Variants in UST observed in about 807,000 individuals in gnomAD.
UST encodes uronyl 2-sulfotransferase.
In UST, 21 loss-of-function variants were observed where a neutral mutation model predicts 45.6. The observed-to-expected ratio is 0.46, with a 90% confidence interval of 0.33 to 0.66. The LOEUF (loss-of-function observed/expected upper bound fraction) is 0.66. Ranked by LOEUF, UST falls within the 30% of genes least tolerant of loss-of-function variation. The pLI is 0.02. For synonymous variants in UST, 215 were observed against 200.6 expected, an observed-to-expected ratio of 1.07 and a Z score of -0.61; for missense variants, 463 against 512.4, an observed-to-expected ratio of 0.90 and a Z score of 0.93.
At chr6:148,788,244 T>C (rs746640435) in intron 1 of UST, among the ~76,000 whole-genome samples, 7 of 152,180 alleles carry the variant, frequency 4.6e-5, no homozygotes, top group Non-Finnish European at 1.0e-4. Flanking sequence ...ATTGTCTCCC[T>C]CTGGGTCCCT....
intron 7 of UST, among the ~76,000 whole-genome samples, chr6:149,029,543 A>T (rs1488957096): frequency 6.7e-5 from 10 of 148,996 alleles, no homozygotes. Context: ...AGTTTTAAAA[A>T]CTAACATTTT....
chr6:148,997,602 A>G (rs1341151476), intron 5 of UST, among the ~76,000 whole-genome samples: 2 of 152,226 alleles, frequency 1.3e-5, no homozygotes, highest in Non-Finnish European at 2.9e-5. Flanking sequence ...GTGAACCAAC[A>G]TAAACCCCAG....
intron 5 of UST, among the ~76,000 whole-genome samples, chr6:149,014,161 A>G (rs1042357447): frequency 2.0e-5 from 3 of 152,180 alleles, no homozygotes; most frequent in Admixed American, 6.5e-5. Flanking sequence ...AGGGAGTAGG[A>G]GGTGTCCAGG....
At chr6:148,778,618 A>G (rs1332829804) in intron 1 of UST, among the ~76,000 whole-genome samples, 2 of 152,208 alleles carry the variant, frequency 1.3e-5, no homozygotes, top group Non-Finnish European at 2.9e-5. Context: ...TGTGGGGTGC[A>G]GTCCTGTGAC....
Position 148,775,930 on chromosome 6 carries a change from C to G in UST, c.247+28253C>G, listed in dbSNP as rs150875536. Among the ~76,000 whole-genome samples the G allele has an allele frequency of 3.3e-3, 509 of 152,128 alleles. 2 individuals are homozygous for G. The highest frequency in any genetic ancestry group is 0.012 in the African/African-American group (482 of 41,474). ...TACGGGTGTGAGCCACTGCGCCCGGCCTGGTAAAATATGAATTTTATACCT... is the reference window on the plus strand; with the variant it reads ...TACGGGTGTGAGCCACTGCGCCCGGGCTGGTAAAATATGAATTTTATACCT... On this transcript the variant is annotated intron_variant, in intron 1 of 7. Transcript: ENST00000367463.
At chr6:148,805,074 G>A (rs139305781) in intron 1 of UST, among the ~76,000 whole-genome samples, 11 of 152,036 alleles carry the variant, frequency 7.2e-5, no homozygotes, top group East Asian at 5.8e-4. Context: ...TGAGTTTCAC[G>A]TGATGAAAAT....
At chr6:148,929,197 C>G (rs1439587612) in intron 2 of UST, among the ~76,000 whole-genome samples, 1 of 152,200 alleles carries the variant, frequency 6.6e-6, no homozygotes, top group African/African-American at 2.4e-5. Flanking sequence ...CTCCCACAGC[C>G]TCCCCCTCTT....
At chr6:149,042,957 TTC>T (rs1491239078) in intron 7 of UST, among the ~76,000 whole-genome samples, 1 of 35,590 alleles carries the variant, frequency 2.8e-5, no homozygotes, top group African/African-American at 1.2e-4. Context: ...CACCATCCTT[TTC>T]TTTCTTTCTT....
intron 5 of UST, among the ~76,000 whole-genome samples, chr6:148,995,811 C>A (rs1029395465): frequency 6.6e-6 from 1 of 152,228 alleles, no homozygotes; most frequent in African/African-American, 2.4e-5. Flanking sequence ...TGGAGCTGAA[C>A]AGCATCTGCC....
Position 148,953,852 on chromosome 6 carries a change from A to T in UST, c.448-20A>T, listed in dbSNP as rs1780422888. ...GGTAAATTAGATCCTATATATGCTA[A>T]TTTTTACTTTTTTTAATAGATGGAA... is the stretch of plus-strand genomic sequence containing the variant. On this transcript the variant is annotated intron_variant, in intron 3 of 7. Transcript: ENST00000367463. The T allele has an allele frequency of 1.3e-6, 2 of 1,520,364 alleles. No individual in the cohort carries two copies. Among genetic ancestry groups the T allele is most frequent in the Non-Finnish European group, 1.8e-6 (2 of 1,116,288 alleles). The allele number at this position is 1,520,364 out of a possible 1,614,324, so 94.2% of individuals were successfully genotyped here.
chr6:148,912,365 C>G (rs983411414), intron 2 of UST, among the ~76,000 whole-genome samples: 4 of 152,226 alleles, frequency 2.6e-5, no homozygotes, highest in Admixed American at 1.3e-4. Flanking sequence ...GGACATAAAA[C>G]AGCATTAACT....
chr6:148,972,882 ATTTT>A (rs61252767), intron 5 of UST, among the ~76,000 whole-genome samples: 1 of 148,820 alleles, frequency 6.7e-6, no homozygotes. Flanking sequence ...GGGCTTTGGG[ATTTT>A]TTTTTTTTTT....
chr6:148,894,814 C>CTTTTTTTT lies in UST; in HGVS notation c.291+7800_291+7807dup, dbSNP rs760698349. ...GAAGCTTATCAGGATAATTTCAGTG[C>CTTTTTTTT]TTTTTTTTTTTTTTTTTTTTTTGAG... is the stretch of plus-strand genomic sequence containing the variant. On this transcript the variant is annotated intron_variant, in intron 2 of 7. Coordinates refer to ENST00000367463, the MANE Select transcript of UST (RefSeq NM_005715.3). Among the ~76,000 whole-genome samples the CTTTTTTTT allele has an allele frequency of 6.3e-4, 59 of 93,698 alleles. 2 individuals are homozygous for CTTTTTTTT. The highest frequency in any genetic ancestry group is 1.0e-3 in the African/African-American group (23 of 22,166). The allele number at this position is 93,698 out of a possible 152,430, so 61.5% of individuals were successfully genotyped here. A position where few individuals can be genotyped will look rare whatever the true frequency, so the allele number is the denominator to read the frequency against.
chr6:148,972,192 G>GT, intron 5 of UST, among the ~76,000 whole-genome samples: 1 of 152,326 alleles, frequency 6.6e-6, no homozygotes, highest in Middle Eastern at 3.4e-3. Context: ...GCTGGGATGT[G>GT]TTAAATTAGC....
intron 2 of UST, among the ~76,000 whole-genome samples, chr6:148,893,153 A>G (rs929607421): frequency 1.3e-5 from 2 of 152,234 alleles, no homozygotes; most frequent in Non-Finnish European, 2.9e-5. Flanking sequence ...CTTACATACA[A>G]AAGCATTTTT....
At chr6:149,013,358 C>A (rs1269137925) in intron 5 of UST, among the ~76,000 whole-genome samples, 3 of 151,950 alleles carry the variant, frequency 2.0e-5, no homozygotes, top group Non-Finnish European at 4.4e-5. Context: ...GAGTTTGCCG[C>A]TACTAAAAAT....
chr6:149,056,423 A>C (rs1285960017), intron 7 of UST, among the ~76,000 whole-genome samples: 2 of 152,266 alleles, frequency 1.3e-5, no homozygotes, highest in Non-Finnish European at 2.9e-5. Flanking sequence ...TGCTTTTCAA[A>C]GTCATAGCCA....
intron 1 of UST, among the ~76,000 whole-genome samples, chr6:148,834,343 A>G (rs757274807): frequency 7.9e-5 from 12 of 152,224 alleles, no homozygotes; most frequent in Non-Finnish European, 1.8e-4. Context: ...AGATTTTTCT[A>G]GGTGAAAGTA....
chr6:148,961,703 C>T (rs527968942), intron 4 of UST, among the ~76,000 whole-genome samples: 1 of 152,332 alleles, frequency 6.6e-6, no homozygotes, highest in East Asian at 1.9e-4. Flanking sequence ...GGAATCTTCT[C>T]TCAAGGCTTT....
Sources: allele counts gnomAD v4.1 joint callset (sites outside exome capture counted in the v4.1 genomes callset), GRCh38; gene constraint gnomAD v4.1.1; transcripts MANE v1.5; gene names NCBI Gene and HGNC (gene_info 2026-07-23, HGNC 2026-07-21).